SHTN1: variants seen among roughly 807,000 people sequenced by gnomAD.
The protein encoded by SHTN1 is shootin 1.
Under a neutral mutation model 83.1 loss-of-function variants are expected in SHTN1, and 42 were observed. The ratio of observed to expected loss-of-function variants is 0.51; its 90% CI spans 0.39 to 0.65. The LOEUF (loss-of-function observed/expected upper bound fraction) is 0.65. Ranked by LOEUF, SHTN1 falls within the 30% of genes least tolerant of loss-of-function variation. SHTN1 has a pLI of 0.00. For synonymous variants in SHTN1, 224 were observed against 247.7 expected, an observed-to-expected ratio of 0.90 and a Z score of 0.90; for missense variants, 622 against 737.8, an observed-to-expected ratio of 0.84 and a Z score of 1.82.
At chr10:116,903,251 G>A (rs779673667) in intron 15 of SHTN1, among the ~76,000 whole-genome samples, 5 of 151,996 alleles carry the variant, frequency 3.3e-5, no homozygotes, top group South Asian at 2.1e-4. Context: ...GGCCTTTTCC[G>A]GCTGTACGTG....
intron 14 of SHTN1, among the ~76,000 whole-genome samples, chr10:116,909,552 C>T (rs1192499807): frequency 6.6e-6 from 1 of 152,130 alleles, no homozygotes; most frequent in African/African-American, 2.4e-5. Context: ...ACCTCAAAAC[C>T]TTTTGTGACT....
intron 1 of SHTN1, among the ~76,000 whole-genome samples, chr10:117,122,891 C>T (rs1853951828): frequency 6.6e-6 from 1 of 152,202 alleles, no homozygotes; most frequent in African/African-American, 2.4e-5. Flanking sequence ...AATGCTTCTA[C>T]CCTCTTAGGG....
At chr10:116,912,941 G>A (rs1848255403) in intron 13 of SHTN1, among the ~76,000 whole-genome samples, 1 of 152,150 alleles carries the variant, frequency 6.6e-6, no homozygotes, top group African/African-American at 2.4e-5. Flanking sequence ...TGCTGCTCAT[G>A]TACAAAGCTG....
At chr10:116,960,600 T>TC (rs1850152041) in intron 3 of SHTN1, among the ~76,000 whole-genome samples, 1 of 152,290 alleles carries the variant, frequency 6.6e-6, no homozygotes, top group South Asian at 2.1e-4. Context: ...CAGCATGACT[T>TC]CTTTTTCTCA....
intron 1 of SHTN1, among the ~76,000 whole-genome samples, chr10:116,987,306 T>C (rs557119757): frequency 6.6e-6 from 1 of 152,250 alleles, no homozygotes; most frequent in East Asian, 1.9e-4. Flanking sequence ...TACAGAACAC[T>C]TCCCTTCCTT....
chr10:116,897,887 T>C (rs934861765), intron 16 of SHTN1, among the ~76,000 whole-genome samples: 3 of 152,128 alleles, frequency 2.0e-5, no homozygotes, highest in Non-Finnish European at 4.4e-5. Context: ...ATAAATCACA[T>C]TGTTTCCTTG....
chr10:116,919,810 T>G (rs1466599953), intron 12 of SHTN1, among the ~76,000 whole-genome samples: 1 of 152,144 alleles, frequency 6.6e-6, no homozygotes. Context: ...GCCCCATTAA[T>G]GTGCAGAGGA....
intron 1 of SHTN1, among the ~76,000 whole-genome samples, chr10:117,082,472 G>A (rs1273121189): frequency 6.7e-6 from 1 of 150,320 alleles, no homozygotes; most frequent in Non-Finnish European, 1.5e-5. Context: ...GGTCAATTTT[G>A]GAATAGGTGT....
At chr10:117,033,146 C>G (rs1448369184) in intron 2 of SHTN1, among the ~76,000 whole-genome samples, 2 of 151,526 alleles carry the variant, frequency 1.3e-5, no homozygotes, top group Admixed American at 1.3e-4. Context: ...AAAGCAAGAG[C>G]AAACCAAACC....
At chr10:116,988,650 GC>G (rs1298630557) in intron 1 of SHTN1, among the ~76,000 whole-genome samples, 1 of 151,896 alleles carries the variant, frequency 6.6e-6, no homozygotes, top group Non-Finnish European at 1.5e-5. Flanking sequence ...CTAGGCTCAA[GC>G]AATCCTTCTG....
At chr10:116,985,668 T>C (rs1255634525) in intron 1 of SHTN1, among the ~76,000 whole-genome samples, 1 of 152,220 alleles carries the variant, frequency 6.6e-6, no homozygotes, top group Non-Finnish European at 1.5e-5. Flanking sequence ...AATGAAGGTT[T>C]AAATAGCCAT....
chr10:117,046,620 A>G (rs1213382383), intron 2 of SHTN1, among the ~76,000 whole-genome samples: 2 of 152,240 alleles, frequency 1.3e-5, no homozygotes, highest in Non-Finnish European at 2.9e-5. Flanking sequence ...AACAACCCAA[A>G]TATCCATCAA....
intron 2 of SHTN1, among the ~76,000 whole-genome samples, chr10:117,038,539 T>C (rs971627694): frequency 3.9e-5 from 6 of 152,110 alleles, no homozygotes; most frequent in African/African-American, 1.4e-4. Context: ...TGAAAACCTC[T>C]GTCAAGAGAA....
chr10:116,930,184 A>G (rs1336049065), intron 9 of SHTN1, among the ~76,000 whole-genome samples, 182 bp from the exon 10 acceptor site: 3 of 152,166 alleles, frequency 2.0e-5, no homozygotes, highest in African/African-American at 7.2e-5. Flanking sequence ...TCAGCTAAAG[A>G]GCTGATTTAA....
chr10:117,117,222 A>G (rs1266691122), intron 1 of SHTN1, among the ~76,000 whole-genome samples: 1 of 152,222 alleles, frequency 6.6e-6, no homozygotes, highest in Non-Finnish European at 1.5e-5. Context: ...ACAGAATACA[A>G]AATCAACATA....
intron 1 of SHTN1, among the ~76,000 whole-genome samples, chr10:117,056,038 C>G (rs536900873): frequency 3.3e-5 from 5 of 152,230 alleles, no homozygotes; most frequent in African/African-American, 1.2e-4. Context: ...AAACAGACAG[C>G]CTGAATAGTC....
rs184506789 is a variant in SHTN1 at position 116,979,453 on chromosome 10, T to C, written c.59-145A>G. On this transcript the variant is annotated intron_variant, in intron 1 of 16. Transcript: ENST00000355371. ...CTGCAGAAAAGGGGCTTCTGCTTTT[T>C]ATTTTTTTTATTTTGTAGAGACAGG... 1.2e-3 allele frequency: 789 copies of C among 646,098 alleles called. 9 individuals are homozygous for C. In the African/African-American group the frequency reaches 0.013, roughly 10 times the overall value. The allele number at this position is 646,098 out of a possible 1,614,324, so 40.0% of individuals were successfully genotyped here. A position where few individuals can be genotyped will look rare whatever the true frequency, so the allele number is the denominator to read the frequency against.
At chr10:116,898,939 ACAT>A (rs1847620926) in intron 16 of SHTN1, among the ~76,000 whole-genome samples, 1 of 152,328 alleles carries the variant, frequency 6.6e-6, no homozygotes, top group East Asian at 1.9e-4. Flanking sequence ...TGGAATCTAT[ACAT>A]ATGTTGATTT....
At chr10:117,086,203 C>A (rs1294684400) in intron 1 of SHTN1, among the ~76,000 whole-genome samples, 1 of 152,168 alleles carries the variant, frequency 6.6e-6, no homozygotes, top group Non-Finnish European at 1.5e-5. Context: ...CAGGCGTGAG[C>A]CACCGCGTCC....
Sources: allele counts gnomAD v4.1 joint callset (sites outside exome capture counted in the v4.1 genomes callset), GRCh38; gene constraint gnomAD v4.1.1; transcripts MANE v1.5; gene names NCBI Gene and HGNC (gene_info 2026-07-23, HGNC 2026-07-21).